PID1: variants seen among roughly 807,000 people sequenced by gnomAD.
PID1 encodes the protein phosphotyrosine interaction domain containing 1.
Under a neutral mutation model 19.1 loss-of-function variants are expected in PID1, and 10 were observed. The observed-to-expected ratio is 0.52, with a 90% CI of 0.32 to 0.89. The LOEUF is 0.89. PID1 is among the 40% of genes least tolerant of loss of function. The pLI, the probability that PID1 is intolerant of heterozygous loss-of-function variation, is 0.03. For missense variants in PID1, 248 were observed against 285.3 expected (o/e 0.87, Z 0.94); for synonymous variants, 130 against 116.0 (o/e 1.12, Z -0.78).
intron 2 of PID1, among the ~76,000 whole-genome samples, chr2:229,032,408 A>C (rs1328215213): frequency 6.6e-6 from 1 of 152,234 alleles, no homozygotes; most frequent in Non-Finnish European, 1.5e-5. Context: ...GTTAAGGAGA[A>C]TCCTGTTATC....
intron 1 of PID1, among the ~76,000 whole-genome samples, chr2:229,208,629 T>G (rs1223596230): frequency 6.6e-6 from 1 of 152,234 alleles, no homozygotes; most frequent in African/African-American, 2.4e-5. Flanking sequence ...CTCCCTGCCT[T>G]CCTCTTTGTC....
chr2:229,142,934 TTGGAACCAACCCAAATGTCCAGCAA>T, intron 2 of PID1, among the ~76,000 whole-genome samples: 1 of 150,226 alleles, frequency 6.7e-6, no homozygotes, highest in Non-Finnish European at 1.5e-5. Flanking sequence ...TAGCAAAGAC[TTGGAACCAACCCAAATGTCCAGCAA>T]TGATAGACTG....
At chr2:229,155,010 T>C (rs1690336218) in intron 2 of PID1, among the ~76,000 whole-genome samples, 2 of 152,242 alleles carry the variant, frequency 1.3e-5, no homozygotes, top group Admixed American at 1.3e-4. Context: ...TTTTCTGGAT[T>C]CTGAGGCATG....
chr2:229,055,163 C>T (rs1694074377), intron 2 of PID1, among the ~76,000 whole-genome samples: 1 of 152,168 alleles, frequency 6.6e-6, no homozygotes, highest in Non-Finnish European at 1.5e-5. Context: ...ACAGATCCTA[C>T]AATAACAGGT....
At chr2:229,089,242 G>A (rs1395846467) in intron 2 of PID1, among the ~76,000 whole-genome samples, 1 of 152,042 alleles carries the variant, frequency 6.6e-6, no homozygotes, top group Non-Finnish European at 1.5e-5. Context: ...GTCTGATATT[G>A]GTAAAGTTCT....
At chr2:229,207,296 T>C (rs965158817) in intron 1 of PID1, among the ~76,000 whole-genome samples, 4 of 151,812 alleles carry the variant, frequency 2.6e-5, no homozygotes, top group Non-Finnish European at 5.9e-5. Context: ...TTCCATAAAA[T>C]AAAACCATGA....
At chr2:229,185,081 A>ATATATAT (rs1559275358) in intron 1 of PID1, among the ~76,000 whole-genome samples, 81 of 146,592 alleles carry the variant, frequency 5.5e-4, no homozygotes, top group African/African-American at 1.9e-3. Context: ...TATATATCCT[A>ATATATAT]CATATATATC....
intron 2 of PID1, among the ~76,000 whole-genome samples, chr2:229,035,486 A>G (rs1272254959): frequency 6.8e-6 from 1 of 147,584 alleles, no homozygotes; most frequent in African/African-American, 2.6e-5. Flanking sequence ...ACATACATAT[A>G]AATGGGGCCA....
chr2:229,212,284 T>C (rs894784536), intron 1 of PID1, among the ~76,000 whole-genome samples: 4 of 152,198 alleles, frequency 2.6e-5, no homozygotes, highest in African/African-American at 9.7e-5. Flanking sequence ...ATAATTCCCT[T>C]TCAAAGAACA....
In PID1 at chr2:229,024,630, T is replaced by C. The variant is rs1256281707; in HGVS notation, c.*1002A>G. The C allele has an allele frequency of 1.3e-5, 2 of 152,646 alleles. No individual in the cohort carries two copies. The highest frequency in any genetic ancestry group is 3.8e-4 in the East Asian group (2 of 5,200). 9.5% of individuals were successfully genotyped at this position (152,646 alleles called of 1,614,324 possible). A position where few individuals can be genotyped will look rare whatever the true frequency, so the allele number is the denominator to read the frequency against. The stretch of plus-strand genomic sequence containing the variant: ...AATGCTGAGTGATGGGGGCAAGGTT[T>C]CCTCGGTGATACCAAATCAGATTTG... On this transcript the variant is annotated 3_prime_UTR_variant, in exon 3 of 3. Transcript: ENST00000392055.
intron 2 of PID1, among the ~76,000 whole-genome samples, chr2:229,038,865 C>A (rs1693713837): frequency 6.6e-6 from 1 of 152,116 alleles, no homozygotes; most frequent in Non-Finnish European, 1.5e-5. Context: ...CTGCTGTTTG[C>A]AAGTAAGCAA....
chr2:229,098,034 G>GTT (rs1431062169), intron 2 of PID1, among the ~76,000 whole-genome samples: 2 of 152,182 alleles, frequency 1.3e-5, no homozygotes, highest in African/African-American at 4.8e-5. Flanking sequence ...CAAAAGTTTT[G>GTT]TTCAGTGCAA....
At chr2:229,059,397 A>G (rs956392941) in intron 2 of PID1, among the ~76,000 whole-genome samples, 9 of 152,262 alleles carry the variant, frequency 5.9e-5, no homozygotes, top group African/African-American at 2.2e-4. Flanking sequence ...GCATCGCTGA[A>G]TACCTATTAT....
intron 1 of PID1, among the ~76,000 whole-genome samples, chr2:229,222,830 C>G (rs1350878537): frequency 2.6e-5 from 4 of 151,058 alleles, no homozygotes; most frequent in Admixed American, 6.6e-5. Flanking sequence ...TCACATAAGC[C>G]AATTCCTAAT....
chr2:229,185,527 G>A (rs1226765476), intron 1 of PID1, among the ~76,000 whole-genome samples: 1 of 152,136 alleles, frequency 6.6e-6, no homozygotes, highest in Non-Finnish European at 1.5e-5. Context: ...GGCTGGGGAG[G>A]CCTCACAATC....
intron 2 of PID1, among the ~76,000 whole-genome samples, chr2:229,145,147 A>ATGTGTGTGTGTG (rs560967818): frequency 6.0e-5 from 7 of 116,652 alleles, no homozygotes; most frequent in East Asian, 4.7e-4. Context: ...GTTTAAATAT[A>ATGTGTGTGTGTG]TGTATGTGTA....
Position 229,252,218 on chromosome 2 carries a change from T to C in PID1, c.30+18796A>G, listed in dbSNP as rs377737982. Among the ~76,000 whole-genome samples the C allele has an allele frequency of 5.3e-5, 8 of 152,256 alleles. No homozygotes were observed. The East Asian group carries it at 1.5e-3, about 29-fold the overall frequency. ...AGGAATGGAAAGAACTTCACTCCCA[T>C]TAATTATAGGGAAAGGAGGAAGAGA... On this transcript the variant is annotated intron_variant, in intron 1 of 2. Coordinates refer to ENST00000392055, the MANE Select transcript of PID1 (RefSeq NM_001100818.2).
chr2:229,246,522 T>C (rs1001255991), intron 1 of PID1, among the ~76,000 whole-genome samples: 4 of 152,146 alleles, frequency 2.6e-5, no homozygotes, highest in Non-Finnish European at 5.9e-5. Flanking sequence ...CTATTCATGT[T>C]GAGCTGTGGG....
chr2:229,247,930 T>G (rs1272736006), intron 1 of PID1, among the ~76,000 whole-genome samples: 1 of 152,142 alleles, frequency 6.6e-6, no homozygotes, highest in Non-Finnish European at 1.5e-5. Context: ...CTTATTCACT[T>G]TCTCCCACCT....
Sources: allele counts gnomAD v4.1 joint callset (sites outside exome capture counted in the v4.1 genomes callset), GRCh38; gene constraint gnomAD v4.1.1; transcripts MANE v1.5; gene names NCBI Gene and HGNC (gene_info 2026-07-23, HGNC 2026-07-21).